Variants in TEP1 observed in about 807,000 individuals in gnomAD.
TEP1 encodes telomerase associated protein 1, also known as telomerase protein component 1.
Under a neutral mutation model 306.3 loss-of-function variants are expected in TEP1, and 241 were observed. The observed-to-expected ratio is 0.79, with a 90% confidence interval of 0.71 to 0.88. TEP1 has a LOEUF of 0.88. Among genes scored for constraint, TEP1 ranks in the 40% least tolerant of loss-of-function variants. The probability of loss-of-function intolerance (pLI) is 0.00; values close to 1 mark genes in which losing one functional copy is unlikely to be tolerated. For synonymous variants in TEP1, 1,289 were observed against 1,305.5 expected, an observed-to-expected ratio of 0.99 and a Z score of 0.27; for missense variants, 3,051 against 3,276.1, an observed-to-expected ratio of 0.93 and a Z score of 1.68.
At position 20,371,255 on chromosome 14, in the gene TEP1, A is replaced by T. The variant is rs1371765770; in HGVS notation, c.7280T>A (p.Val2427Asp). 6.2e-7 allele frequency: 1 copy of T among 1,614,108 alleles called. No individual in the cohort carries two copies. Among genetic ancestry groups the T allele is most frequent in the Non-Finnish European group, 8.5e-7 (1 of 1,180,036 alleles). ...LSTHKEYGIF[V>D]LQPKDPGVLS... ...AACTCCAGGATCCTTGGGCTGCAGG[A>T]CAAATATGCCATACTCCTTGTGGGT... is the stretch of plus-strand genomic sequence containing the variant. The change falls in exon 51 of 55, where the codon GTC becomes GAC. Residue 2427 changes from valine (V) to aspartate (D), a missense_variant. Coordinates refer to ENST00000262715, the MANE Select transcript of TEP1 (RefSeq NM_007110.5).
At position 20,371,456 on chromosome 14, in the gene TEP1, C is replaced by A. The variant is rs73585163; in HGVS notation, c.7220+33G>T. On this transcript the variant is annotated intron_variant, in intron 50 of 54. Transcript: ENST00000262715. ...CACTAACTCAGGTTTCCTTTTTCCC[C>A]AGCTCAGGAGGAAATGGCATTTTGG... The A allele has an allele frequency of 3.8e-4, 604 of 1,607,564 alleles. 2 individuals are homozygous for A. The African/African-American group carries it at 7.2e-3, about 19-fold the overall frequency.
chr14:20,375,233 C>T (rs984959201), intron 43 of TEP1, among the ~76,000 whole-genome samples: 1 of 151,914 alleles, frequency 6.6e-6, no homozygotes, highest in African/African-American at 2.4e-5. Context: ...AGTGCAATGG[C>T]GCGACCTCTG....
intron 5 of TEP1, among the ~76,000 whole-genome samples, chr14:20,404,286 C>G (rs1363412785): frequency 7.0e-6 from 1 of 142,454 alleles, no homozygotes; most frequent in Non-Finnish European, 1.5e-5. Context: ...ACCTGGGAGG[C>G]GGAGGTTGCA....
intron 17 of TEP1, among the ~76,000 whole-genome samples, chr14:20,388,580 T>C (rs1001649188): frequency 2.6e-5 from 4 of 152,268 alleles, no homozygotes; most frequent in African/African-American, 7.2e-5. Flanking sequence ...TAATTTTCTC[T>C]GGATCAAGAA....
chr14:20,374,789 C>T (rs1885073852), intron 43 of TEP1, among the ~76,000 whole-genome samples: 1 of 151,958 alleles, frequency 6.6e-6, no homozygotes, highest in African/African-American at 2.4e-5. Context: ...GGGCTGAGTG[C>T]GTCTACATAA....
At position 20,379,910 on chromosome 14, in the gene TEP1, C is replaced by A; in HGVS notation, c.5127+20G>T. ...ATGGATTTTCAGAGGGTAAATTCTGCCCCTCCTTGATTGTCATACCTGCCA... is the reference window on the plus strand; with the variant it reads ...ATGGATTTTCAGAGGGTAAATTCTGACCCTCCTTGATTGTCATACCTGCCA... On this transcript the variant is annotated intron_variant, in intron 35 of 54. Transcript: ENST00000262715. The A allele has an allele frequency of 6.2e-7, 1 of 1,601,026 alleles. No individual in the cohort carries two copies. The highest frequency in any genetic ancestry group is 1.1e-5 in the South Asian group (1 of 88,570).
At chr14:20,399,876 A>T (rs1347312157) in intron 9 of TEP1, among the ~76,000 whole-genome samples, 2 of 151,940 alleles carry the variant, frequency 1.3e-5, no homozygotes, top group South Asian at 4.1e-4. Flanking sequence ...AATTATCTTC[A>T]TATGGCTGGG....
Position 20,378,851 on chromosome 14 carries a change from A to G in TEP1, c.5255T>C (p.Val1752Ala), listed in dbSNP as rs752043739. The G allele has an allele frequency of 8.7e-6, 14 of 1,613,970 alleles. No homozygotes were observed. The highest frequency in any genetic ancestry group is 1.2e-5 in the Non-Finnish European group (14 of 1,180,006). Reference sequence around the variant, plus strand: ...GTACTGGTGAGCCTTAGTCTGCAGCACCCTATCCCAGGAAGATGAAGTCAG... The same window carrying G: ...GTACTGGTGAGCCTTAGTCTGCAGCGCCCTATCCCAGGAAGATGAAGTCAG... ...ELWDLQHGCRVLQTKAHQYQI... is the reference protein window; with the variant it reads ...ELWDLQHGCRALQTKAHQYQI... The change falls in exon 37 of 55, where the codon GTG (valine) becomes GCG (alanine). Residue 1752 changes from valine (V) to alanine (A), a missense_variant and splice_region_variant. Val to Ala is a moderately conservative substitution (Grantham distance 64, BLOSUM62 0). Transcript: ENST00000262715.
rs1594351747 is a variant in TEP1 at position 20,389,403 on chromosome 14, G to C, written c.2466-106C>G. 81 of 1,460,958 alleles carry C rather than the reference G, an allele frequency of 5.5e-5. No individual in the cohort carries two copies. The South Asian group carries it at 9.0e-4, about 16-fold the overall frequency. The allele number at this position is 1,460,958 out of a possible 1,614,324, so 90.5% of individuals were successfully genotyped here. On this transcript the variant is annotated intron_variant, in intron 16 of 54. Transcript: ENST00000262715. Reference sequence around the variant, plus strand: ...AAACCCCACTTCTGCACCTTTAATAGGGTTATGTGGTAGGCTAGGGCTAGG... The same window carrying C: ...AAACCCCACTTCTGCACCTTTAATACGGTTATGTGGTAGGCTAGGGCTAGG...
intron 9 of TEP1, among the ~76,000 whole-genome samples, chr14:20,400,409 A>T (rs1322181712): frequency 2.0e-5 from 3 of 151,514 alleles, no homozygotes; most frequent in Admixed American, 1.3e-4. Flanking sequence ...AACATTACAA[A>T]GACCTTGTCT....
rs758956716 is a variant in TEP1 at position 20,401,006 on chromosome 14, C to T, written c.1527G>A (p.Ala509=). ...TACCAATGAGTTCCTCCCAGACCGACGCTTTGTTCCCCCGTAGGCTCAGCT... is the reference window on the plus strand; with the variant it reads ...TACCAATGAGTTCCTCCCAGACCGATGCTTTGTTCCCCCGTAGGCTCAGCT... The part of the protein sequence containing the change: ...ERELSLRGNK[A]SVWEELIENG... The change falls in exon 9 of 55, where the codon GCG becomes GCA. Residue 509 remains alanine, a synonymous_variant. Coordinates refer to ENST00000262715, the MANE Select transcript of TEP1 (RefSeq NM_007110.5). The T allele has an allele frequency of 1.1e-5, 18 of 1,614,202 alleles. No homozygotes were observed. The highest frequency in any genetic ancestry group is 6.7e-5 in the East Asian group (3 of 44,890).
intron 44 of TEP1, 55 bp downstream of exon 44, chr14:20,374,374 A>T: frequency 7.5e-7 from 1 of 1,332,192 alleles, no homozygotes; most frequent in Non-Finnish European, 1.0e-6. Flanking sequence ...CCGTCTCCCA[A>T]AGCCCCCTTA....
rs767447795 is a variant in TEP1 at position 20,378,494 on chromosome 14, G to C, written c.5394C>G (p.Thr1798=). ...CAACACAGTTCAGGGACTTGGGGTAGGTGTGCTGGAAGGCCAGCTGCCCAC... is the reference window on the plus strand; with the variant it reads ...CAACACAGTTCAGGGACTTGGGGTACGTGTGCTGGAAGGCCAGCTGCCCAC... ...TVRGQLAFQH[T]YPKSLNCVAF... Residue 1798 remains threonine (T), a synonymous_variant, in exon 38 of 55, where the codon ACC becomes ACG. Transcript: ENST00000262715. 1.9e-6 allele frequency: 3 copies of C among 1,614,106 alleles called. No individual in the cohort carries two copies. The African/African-American group carries it at 4.0e-5, about 22-fold the overall frequency.
chr14:20,404,703 A>C lies in TEP1; in HGVS notation c.940T>G (p.Phe314Val). The change falls in exon 5 of 55, where the codon TTC becomes GTC. Residue 314 changes from phenylalanine to valine, a missense_variant. Around this residue, in one of 3 missense-constraint regions of TEP1, gnomAD observed 1,507 missense variants for 1,550.5 expected, o/e 0.97. Transcript: ENST00000262715. Reference sequence around the variant, plus strand: ...AGGTGGGGGCGACACGCCGGCAAGAAAGCAGCAATGGCCAAGATGTTATTG... The same window carrying C: ...AGGTGGGGGCGACACGCCGGCAAGACAGCAGCAATGGCCAAGATGTTATTG... ...VANNILAIAA[F>V]LPACRPHLRR... is the part of the protein sequence containing the mutation. 1 of 1,614,180 alleles carries C rather than the reference A, an allele frequency of 6.2e-7. No individual in the cohort carries two copies. Among genetic ancestry groups the C allele is most frequent in the Non-Finnish European group, 8.5e-7 (1 of 1,180,030 alleles).
At chr14:20,372,481 G>A (rs1884907854) in intron 49 of TEP1, among the ~76,000 whole-genome samples, 1 of 151,912 alleles carries the variant, frequency 6.6e-6, no homozygotes, top group Admixed American at 6.6e-5. Context: ...TTCCTCTACT[G>A]TGAGCTTCCT....
Position 20,395,438 on chromosome 14 carries a change from G to A in TEP1, c.1928+12C>T, listed in dbSNP as rs763088602. The A allele has an allele frequency of 1.3e-6, 2 of 1,575,864 alleles. No individual in the cohort carries two copies. The highest frequency in any genetic ancestry group is 1.1e-5 in the South Asian group (1 of 88,812). On this transcript the variant is annotated intron_variant, in intron 12 of 54. Coordinates refer to ENST00000262715, the MANE Select transcript of TEP1 (RefSeq NM_007110.5). Reference sequence around the variant, plus strand: ...ATTGCCCACCCTTGGCTCCCAGACAGTGCATACATACCTGGCCTTGTGTAC... The same window carrying A: ...ATTGCCCACCCTTGGCTCCCAGACAATGCATACATACCTGGCCTTGTGTAC...
chr14:20,400,497 C>CAAAAAAAAAAA (rs71108598), intron 9 of TEP1, among the ~76,000 whole-genome samples: 1 of 85,470 alleles, frequency 1.2e-5, no homozygotes, highest in Non-Finnish European at 2.6e-5. Flanking sequence ...AAAAGTAGAC[C>CAAAAAAAAAAA]AAAAAAAAAA....
chr14:20,401,396 G>T, intron 8 of TEP1, 61 bp downstream of exon 8: 1 of 1,601,572 alleles, frequency 6.2e-7, no homozygotes. Flanking sequence ...TGGGGGCCAC[G>T]GATGTTGAAA....
At chr14:20,403,952 C>G in intron 5 of TEP1, 68 bp from the exon 6 acceptor site, 1 of 1,603,094 alleles carries the variant, frequency 6.2e-7, no homozygotes, top group Non-Finnish European at 8.5e-7. Flanking sequence ...AAAACGAGAT[C>G]ACTTCATGGA....
Sources: gnomAD v4.1 joint callset for allele counts (sites outside exome capture counted in the v4.1 genomes callset) on GRCh38, gnomAD v4.1.1 for gene constraint, gnomAD v4.1.1 regional missense constraint, MANE v1.5 for transcripts, NCBI Gene and HGNC (gene_info 2026-07-23, HGNC 2026-07-21) for gene names.